The following UGT2B4 variants were observed in gnomAD, a reference collection of about 807,000 sequenced individuals.
The protein encoded by UGT2B4 is UDP-glucuronosyltransferase 2B4.
In UGT2B4, 49 loss-of-function variants were observed where a neutral mutation model predicts 49.8. The ratio of observed to expected loss-of-function variants is 0.98; its 90% CI spans 0.78 to 1.25. The LOEUF is 1.25. UGT2B4 is among the 50% of genes most tolerant of loss of function. The probability of loss-of-function intolerance (pLI) is 0.00; values close to 1 mark genes in which losing one functional copy is unlikely to be tolerated. For missense variants in UGT2B4, 729 were observed against 627.7 expected (o/e 1.16, Z -1.73); for synonymous variants, 246 against 217.7 (o/e 1.13, Z -1.14).
In UGT2B4 at chr4:69,482,103, G is replaced by A. The variant is rs187256253; in HGVS notation, c.1311-1193C>T. ...TATTTTTCTTTAAGCTCCTGTCCTA[G>A]CATCTTACACATTGCGTCCCCTCTA... On this transcript the variant is annotated intron_variant, in intron 5 of 5. Transcript: ENST00000305107. Among the ~76,000 whole-genome samples, 23 of 152,172 alleles carry A rather than the reference G, an allele frequency of 1.5e-4. No individual in the cohort carries two copies. In the East Asian group the frequency reaches 4.3e-3, roughly 28 times the overall value.
chr4:69,502,105 CTT>C (rs375587911), intron 1 of UGT2B4, among the ~76,000 whole-genome samples: 10 of 109,838 alleles, frequency 9.1e-5, no homozygotes, highest in East Asian at 8.1e-4. Context: ...TTCTTTCTTT[CTT>C]TCTTTCTTTC....
chr4:69,493,032 C>T (rs1001172384), intron 2 of UGT2B4, among the ~76,000 whole-genome samples: 2 of 152,152 alleles, frequency 1.3e-5, no homozygotes, highest in Admixed American at 6.6e-5. Flanking sequence ...TGAGGAGTAT[C>T]TGGCTCTTAT....
At position 69,493,734 on chromosome 4, in the gene UGT2B4, C is replaced by T. The variant is rs41300004; in HGVS notation, c.829G>A (p.Val277Ile). The T allele has an allele frequency of 2.7e-4, 431 of 1,610,974 alleles. 4 individuals are homozygous for T. The African/African-American group carries it at 4.6e-3, about 17-fold the overall frequency. Residue 277 changes from valine to isoleucine, a missense_variant, in exon 2 of 6, where the codon GTT becomes ATT. Physicochemically the swap from Val to Ile is conservative, Grantham distance 29. Transcript: ENST00000305107. ...GCAGGTTTGCAGTGGAGTCCTCCAA[C>T]GAACTCAACATTTGGTAAGAGTGGG... ...PHPLLPNVEFVGGLHCKPAKP... is the reference protein window; with the variant it reads ...PHPLLPNVEFIGGLHCKPAKP...
At chr4:69,522,499 G>C (rs974516412) in intron 1 of UGT2B4, among the ~76,000 whole-genome samples, 2 of 152,192 alleles carry the variant, frequency 1.3e-5, no homozygotes, top group African/African-American at 2.4e-5. Flanking sequence ...CAGTATTAGA[G>C]AGTCTATTAA....
rs367811405 is a variant in UGT2B4, at chr4:69,485,381, G to A, written c.1137C>T (p.Gly379=). ...TTCCATGGTAGATTGCCTCATAGAT[G>A]CCATTGGCTCCACCATGAGTTATAA... is the stretch of plus-strand genomic sequence containing the variant. ...RAFITHGGAN[G]IYEAIYHGIP... The change falls in exon 5 of 6, where the codon GGC becomes GGT. Residue 379 remains glycine, a synonymous_variant. Coordinates refer to ENST00000305107, the MANE Select transcript of UGT2B4 (RefSeq NM_021139.3). The A allele has an allele frequency of 2.5e-6, 4 of 1,613,780 alleles. No individual in the cohort carries two copies. In the African/African-American group the frequency reaches 5.3e-5, roughly 22 times the overall value.
chr4:69,485,516 A>G, intron 4 of UGT2B4, 89 bp from the exon 5 acceptor site: 14 of 1,539,488 alleles, frequency 9.1e-6, no homozygotes, highest in Non-Finnish European at 1.2e-5. Context: ...GGTGTTTCCT[A>G]GATAACACAC....
At chr4:69,492,682 C>T (rs1346740972) in intron 2 of UGT2B4, among the ~76,000 whole-genome samples, 1 of 151,984 alleles carries the variant, frequency 6.6e-6, no homozygotes, top group Non-Finnish European at 1.5e-5. Flanking sequence ...ACCATAATTG[C>T]AAAATAATAT....
At chr4:69,512,493 T>C (rs1378666473) in intron 1 of UGT2B4, among the ~76,000 whole-genome samples, 1 of 152,168 alleles carries the variant, frequency 6.6e-6, no homozygotes, top group Non-Finnish European at 1.5e-5. Context: ...TTATTCTAGA[T>C]GGCTGGAAAC....
intron 3 of UGT2B4, 115 bp from the exon 4 acceptor site, chr4:69,486,811 T>C (rs1727801290): frequency 1.5e-6 from 1 of 687,398 alleles, no homozygotes; most frequent in Middle Eastern, 4.2e-4. Flanking sequence ...TAACAAGAAC[T>C]ACTCAGACTG....
chr4:69,509,362 G>A (rs576498280), intron 1 of UGT2B4, among the ~76,000 whole-genome samples: 14 of 151,930 alleles, frequency 9.2e-5, no homozygotes, highest in African/African-American at 3.4e-4. Flanking sequence ...TAGTACAGAT[G>A]GGGTTCACCA....
At chr4:69,486,464 G>T in intron 4 of UGT2B4, 145 bp downstream of exon 4, 1 of 460,442 alleles carries the variant, frequency 2.2e-6, no homozygotes. Context: ...CTTTTCCCCC[G>T]GGACTGGAAA....
chr4:69,517,658 AAG>A (rs1224842566), intron 1 of UGT2B4: 3 of 153,134 alleles, frequency 2.0e-5, no homozygotes, highest in Admixed American at 6.5e-5. Context: ...GTTAAAAATA[AAG>A]AGTTTCTTAA....
chr4:69,485,412 C>T lies in UGT2B4; in HGVS notation c.1106G>A (p.Arg369Lys), dbSNP rs1451186680. ...QNDLLGHPKT[R>K]AFITHGGANG... ...GGCTCCACCATGAGTTATAAAAGCTCTGGTTTTTGGGTGACCTAGGATTGG... is the reference window on the plus strand; with the variant it reads ...GGCTCCACCATGAGTTATAAAAGCTTTGGTTTTTGGGTGACCTAGGATTGG... Residue 369 changes from arginine to lysine, a missense_variant, in exon 5 of 6, where the codon AGA (arginine) becomes AAA (lysine). By Grantham distance (26) the Arg-to-Lys change is conservative (BLOSUM62 2). Coordinates refer to ENST00000305107, the MANE Select transcript of UGT2B4 (RefSeq NM_021139.3). The T allele has an allele frequency of 6.2e-7, 1 of 1,613,750 alleles. No individual in the cohort carries two copies. The highest frequency in any genetic ancestry group is 1.7e-5 in the Admixed American group (1 of 59,980).
At chr4:69,525,678 A>G in intron 1 of UGT2B4, 1 of 1,273,556 alleles carries the variant, frequency 7.9e-7, no homozygotes. Context: ...CACAATTTAT[A>G]GCACTTACCT....
intron 5 of UGT2B4, among the ~76,000 whole-genome samples, 181 bp from the exon 6 acceptor site, chr4:69,481,091 G>GAAAAAAAAAAA (rs57494102): frequency 1.0e-4 from 7 of 67,812 alleles, no homozygotes; most frequent in Admixed American, 2.5e-4. Context: ...GTAAAAATAT[G>GAAAAAAAAAAA]AAAAAAAAAA....
At chr4:69,493,569 A>G in intron 2 of UGT2B4, 124 bp downstream of exon 2, 1 of 1,190,302 alleles carries the variant, frequency 8.4e-7, no homozygotes, top group East Asian at 2.8e-5. Flanking sequence ...TCAGTTTCTA[A>G]TTGGTATCTG....
At position 69,495,868 on chromosome 4, in the gene UGT2B4, G is replaced by T. The variant is rs1728148438; in HGVS notation, c.-7C>A. The T allele has an allele frequency of 6.4e-7, 1 of 1,565,762 alleles. No homozygotes were observed. Among genetic ancestry groups the T allele is most frequent in the Non-Finnish European group, 8.6e-7 (1 of 1,159,352 alleles). On this transcript the variant is annotated 5_prime_UTR_variant, in exon 1 of 6. Transcript: ENST00000305107. ...AAGTCCATTTCATAGACATCCTGAT[G>T]CAATGCAATGCTTGTTTTCCAGTTG...
chr4:69,489,334 C>G, intron 3 of UGT2B4, 105 bp downstream of exon 3: 1 of 1,461,226 alleles, frequency 6.8e-7, no homozygotes, highest in African/African-American at 1.4e-5. Flanking sequence ...TAGTGCTTTC[C>G]CAACAGCTGA....
intron 1 of UGT2B4, among the ~76,000 whole-genome samples, chr4:69,512,491 G>T (rs1728630742): frequency 6.6e-6 from 1 of 151,856 alleles, no homozygotes; most frequent in African/African-American, 2.4e-5. Context: ...TTTTATTCTA[G>T]ATGGCTGGAA....
Sources: allele counts gnomAD v4.1 joint callset (sites outside exome capture counted in the v4.1 genomes callset), GRCh38; gene constraint gnomAD v4.1.1; transcripts MANE v1.5; gene names NCBI Gene and HGNC (gene_info 2026-07-23, HGNC 2026-07-21).